Variants in DPP6 observed in about 807,000 individuals in gnomAD.
DPP6 encodes A-type potassium channel modulatory protein DPP6.
In DPP6, 69 loss-of-function variants were observed where a neutral mutation model predicts 122.6. That is an observed-to-expected ratio of 0.56 (90% CI 0.46 to 0.69). The LOEUF is 0.69. DPP6 is among the 30% of genes least tolerant of loss of function. The pLI is 0.00. For missense variants in DPP6, 928 were observed against 1,116.9 expected (o/e 0.83, Z 2.41); for synonymous variants, 418 against 433.1 (o/e 0.97, Z 0.43).
chr7:154,103,398 A>G (rs1022976505), intron 1 of DPP6, among the ~76,000 whole-genome samples: 10 of 152,340 alleles, frequency 6.6e-5, no homozygotes, highest in Middle Eastern at 3.4e-3. Context: ...CATTGAGTAT[A>G]GGAGGGGAAA....
intron 1 of DPP6, among the ~76,000 whole-genome samples, chr7:154,175,987 C>T (rs969446657): frequency 1.8e-4 from 27 of 152,282 alleles, no homozygotes; most frequent in African/African-American, 6.5e-4. Flanking sequence ...CATGCCCAGC[C>T]AGAGGCTGGC....
intron 3 of DPP6, among the ~76,000 whole-genome samples, chr7:154,522,444 T>A (rs1377446871): frequency 6.6e-6 from 1 of 152,040 alleles, no homozygotes; most frequent in African/African-American, 2.4e-5. Flanking sequence ...AATGTTCACA[T>A]CTCACTTAGG....
chr7:153,948,959 C>G (rs2129020149), intron 1 of DPP6, among the ~76,000 whole-genome samples: 1 of 152,164 alleles, frequency 6.6e-6, no homozygotes, highest in African/African-American at 2.4e-5. Flanking sequence ...GTGGTCTCTA[C>G]TCTTTAAAAG....
intron 1 of DPP6, among the ~76,000 whole-genome samples, chr7:154,061,204 C>G (rs1483832558): frequency 6.7e-6 from 1 of 149,268 alleles, no homozygotes; most frequent in Non-Finnish European, 1.5e-5. Context: ...ATTAGCCAAG[C>G]CTTTGTATGA....
intron 1 of DPP6, among the ~76,000 whole-genome samples, chr7:154,232,933 T>C (rs1313607819): frequency 1.3e-5 from 2 of 152,232 alleles, no homozygotes; most frequent in East Asian, 3.8e-4. Flanking sequence ...TGCTAAAGTC[T>C]GCAAGGAGGT....
the DPP6 span, among the ~76,000 whole-genome samples, chr7:153,781,693 A>G: frequency 0.52 from 77,338 of 148,498 alleles, 20,488 homozygotes; most frequent in African/African-American, 0.66. Context: ...ATTGGTGATG[A>G]GAAACAATTT....
chr7:153,891,943 G>A (rs1281797553), intron 1 of DPP6, among the ~76,000 whole-genome samples: 1 of 152,182 alleles, frequency 6.6e-6, no homozygotes, highest in Admixed American at 6.5e-5. Context: ...GAATCCCACT[G>A]TTGATTGTTG....
At chr7:154,820,835 G>A (rs1193325636) in intron 16 of DPP6, among the ~76,000 whole-genome samples, 1 of 152,192 alleles carries the variant, frequency 6.6e-6, no homozygotes, top group Non-Finnish European at 1.5e-5. Context: ...GAAACCTAAT[G>A]AGTGTAATTC....
chr7:154,152,808 C>G (rs1362518546), intron 1 of DPP6, among the ~76,000 whole-genome samples: 1 of 152,224 alleles, frequency 6.6e-6, no homozygotes, highest in African/African-American at 2.4e-5. Context: ...ATCCAGTAAG[C>G]AGCACACACT....
intron 2 of DPP6, among the ~76,000 whole-genome samples, chr7:154,463,156 T>C (rs1821441079): frequency 1.3e-5 from 2 of 151,092 alleles, no homozygotes; most frequent in African/African-American, 4.9e-5. Flanking sequence ...GGTACCTAAG[T>C]TGCAACACAA....
chr7:154,732,184 C>A (rs185478341), intron 8 of DPP6, among the ~76,000 whole-genome samples: 2 of 147,160 alleles, frequency 1.4e-5, no homozygotes, highest in Non-Finnish European at 3.0e-5. Context: ...GACTAACAGG[C>A]GCCTGCCACC....
intron 10 of DPP6, among the ~76,000 whole-genome samples, chr7:154,783,012 G>A (rs1040274818): frequency 7.2e-5 from 11 of 152,178 alleles, no homozygotes; most frequent in Admixed American, 2.0e-4. Flanking sequence ...TCGAACTCCC[G>A]ACCTCAGGTG....
chr7:154,794,334 G>T, intron 11 of DPP6, 132 bp downstream of exon 11: 1 of 1,363,770 alleles, frequency 7.3e-7, no homozygotes, highest in South Asian at 1.7e-5. Flanking sequence ...GCTGCGGGGA[G>T]CCCGCGGCGC....
At chr7:153,765,079 G>A in the DPP6 span, among the ~76,000 whole-genome samples, 1 of 151,740 alleles carries the variant, frequency 6.6e-6, no homozygotes, top group East Asian at 2.0e-4. Flanking sequence ...CCACCCAAAA[G>A]ATGAGGGTGC....
chr7:154,640,043 G>A (rs1382698967), intron 6 of DPP6, among the ~76,000 whole-genome samples: 1 of 152,148 alleles, frequency 6.6e-6, no homozygotes, highest in Non-Finnish European at 1.5e-5. Context: ...CTTGAGGTCA[G>A]GAGTTTGAGA....
At chr7:154,031,704 G>A (rs919819833) in intron 1 of DPP6, among the ~76,000 whole-genome samples, 1 of 151,966 alleles carries the variant, frequency 6.6e-6, no homozygotes. Context: ...CTAAAGGAAC[G>A]AGCTTTAGAG....
intron 4 of DPP6, among the ~76,000 whole-genome samples, chr7:154,556,209 A>G (rs1830029783): frequency 6.6e-6 from 1 of 152,192 alleles, no homozygotes; most frequent in Non-Finnish European, 1.5e-5. Flanking sequence ...TTGTGTATCA[A>G]TTATGAGGTA....
rs1299610480 is a variant in DPP6 at position 154,250,011 on chromosome 7, A to G, written c.244-196203A>G. ...CCTGACCTAATCGGTTATGTTATCT[A>G]TAGATTACAGACATTGTGAAAATGC... On this transcript the variant is annotated intron_variant, in intron 1 of 25. Transcript: ENST00000377770. 4.7e-4 allele frequency among the ~76,000 whole-genome samples: 71 copies of G among 152,158 alleles called. 1 individual carries two copies. Among genetic ancestry groups the G allele is most frequent in the Non-Finnish European group, 2.9e-5 (2 of 68,046 alleles).
chr7:154,380,303 T>C (rs370735622), intron 1 of DPP6, among the ~76,000 whole-genome samples: 1 of 152,190 alleles, frequency 6.6e-6, no homozygotes, highest in East Asian at 1.9e-4. Context: ...TTTGGGGTGG[T>C]GTTTGCAAAT....
Sources: gnomAD v4.1 joint callset for allele counts (sites outside exome capture counted in the v4.1 genomes callset) on GRCh38, gnomAD v4.1.1 for gene constraint, MANE v1.5 for transcripts, NCBI Gene and HGNC (gene_info 2026-07-23, HGNC 2026-07-21) for gene names.